Variants in KCNK16 observed in about 807,000 individuals in gnomAD.
The protein encoded by KCNK16 is potassium channel subfamily K member 16.
A neutral mutation model predicts 23.0 loss-of-function variants in KCNK16; 23 were observed. The observed-to-expected ratio is 1.00, with a 90% confidence interval of 0.72 to 1.41. The LOEUF (loss-of-function observed/expected upper bound fraction) is 1.41, where lower values mean the gene tolerates loss of function less well. Ranked by LOEUF, KCNK16 falls within the 40% of genes most tolerant of loss-of-function variation. The probability of loss-of-function intolerance (pLI) is 0.00; values close to 1 mark genes in which losing one functional copy is unlikely to be tolerated. For synonymous variants in KCNK16, 145 were observed against 153.5 expected (o/e 0.94, Z 0.41); for missense variants, 327 against 365.8 (o/e 0.89, Z 0.87).
Position 39,316,408 on chromosome 6 carries a change from A to G in KCNK16, c.696T>C (p.Tyr232=), listed in dbSNP as rs3734618. The G allele has an allele frequency of 0.51, 826,040 of 1,610,556 alleles. 218,899 individuals carry two copies. The highest frequency in any genetic ancestry group is 0.9 in the African/African-American group (67,142 of 74,958). Residue 232 remains tyrosine (Y), a synonymous_variant, in exon 5 of 5, where the codon TAT becomes TAC. Transcript: ENST00000437525. ...TDPSKHYISV[Y]RSLAAIWILL... ...GGATCCAGATGGCTGCCAGGCTCCG[A>G]TACACTGAGATATAATGCTTGCTGG...
chr6:39,322,583 G>A lies in KCNK16; in HGVS notation c.-43C>T, dbSNP rs1257413756. ...GCCAGGGCCGTGGGGCTGGCTATGG[G>A]GGAGAGGTGGGAAACAGGTGAGGAG... On this transcript the variant is annotated 5_prime_UTR_variant, in exon 1 of 5. Coordinates refer to ENST00000437525, the MANE Select transcript of KCNK16 (RefSeq NM_001135106.2). 2.6e-6 allele frequency: 4 copies of A among 1,535,864 alleles called. No individual in the cohort carries two copies. The highest frequency in any genetic ancestry group is 3.5e-6 in the Non-Finnish European group (4 of 1,145,196).
intron 3 of KCNK16, among the ~76,000 whole-genome samples, chr6:39,317,184 T>G (rs1046903925): frequency 6.6e-6 from 1 of 152,154 alleles, no homozygotes; most frequent in African/African-American, 2.4e-5. Context: ...GGAGACCCCT[T>G]TGGACTTGGG....
chr6:39,315,357 G>T (rs763012865), downstream of KCNK16: 2 of 1,551,626 alleles, frequency 1.3e-6, no homozygotes, highest in Non-Finnish European at 1.7e-6. Context: ...TGGCTCTCTG[G>T]CTTCCCATGG....
rs1447681526 is a variant in KCNK16 at position 39,322,498 on chromosome 6, G to C, written c.43C>G (p.Leu15Val). The C allele has an allele frequency of 5.6e-6, 9 of 1,611,738 alleles. 1 individual carries two copies. The South Asian group carries it at 9.9e-5, about 18-fold the overall frequency. Residue 15 changes from leucine to valine, a missense_variant, in exon 1 of 5, where the codon CTG becomes GTG. By Grantham distance (32) the Leu-to-Val change is conservative. Coordinates refer to ENST00000437525, the MANE Select transcript of KCNK16 (RefSeq NM_001135106.2). ...CAGACATAGGCCAGCAGCAGGGGCA[G>C]CACCCGGCCACCCCAGCAGCTGCAG... The part of the protein sequence containing the change: ...GLCSCWGGRV[L>V]PLLLAYVCYL...
At chr6:39,316,059 G>T, downstream of KCNK16, 1 of 1,075,762 alleles carries the variant, frequency 9.3e-7, no homozygotes, top group Non-Finnish European at 1.3e-6. Flanking sequence ...TACTTTCTTG[G>T]ATATACCTGT....
downstream of KCNK16, among the ~76,000 whole-genome samples, chr6:39,315,795 CCAGACCCTGGCA>C (rs1454299226): frequency 2.6e-5 from 4 of 152,166 alleles, no homozygotes; most frequent in Non-Finnish European, 2.9e-5. Context: ...TGCTGTATCC[CCAGACCCTGGCA>C]CAGACCCTGG....
downstream of KCNK16, chr6:39,315,214 A>T (rs1363113517): frequency 6.2e-7 from 1 of 1,613,852 alleles, no homozygotes; most frequent in Non-Finnish European, 8.5e-7. Context: ...AGGCCCCGGG[A>T]TGGAGTGGTC....
At position 39,317,945 on chromosome 6, in the gene KCNK16, C is replaced by A. The variant is rs1762388715; in HGVS notation, c.336G>T (p.Gly112=). ...AGTVVTTIGY[G]NLAPSTEAGQ... is the part of the protein sequence containing the mutation. ...CTGCCTCTGTGCTGGGTGCCAGGTTCCCATATCCTGCAAGGGAAGGGGGGC... is the reference window on the plus strand; with the variant it reads ...CTGCCTCTGTGCTGGGTGCCAGGTTACCATATCCTGCAAGGGAAGGGGGGC... The change falls in exon 3 of 5, where the codon GGG becomes GGT. Residue 112 remains glycine, a synonymous_variant. Transcript: ENST00000437525. 6.2e-7 allele frequency: 1 copy of A among 1,603,364 alleles called. No homozygotes were observed. The highest frequency in any genetic ancestry group is 1.1e-5 in the South Asian group (1 of 89,708).
downstream of KCNK16, chr6:39,315,269 G>A (rs756973503): frequency 2.5e-5 from 39 of 1,589,806 alleles, no homozygotes; most frequent in East Asian, 8.3e-4. Flanking sequence ...CAGGGGAAAG[G>A]CCAGACCTGG....
chr6:39,314,981 G>A, downstream of KCNK16: 1 of 1,573,302 alleles, frequency 6.4e-7, no homozygotes. Context: ...CGTCTAGGCT[G>A]TGTGAAGAGT....
At chr6:39,318,530 C>T (rs1220834466) in intron 2 of KCNK16, among the ~76,000 whole-genome samples, 2 of 152,162 alleles carry the variant, frequency 1.3e-5, no homozygotes, top group South Asian at 2.1e-4. Flanking sequence ...TCCCTCAGAA[C>T]ACATGAGATA....
chr6:39,314,979 C>T (rs1762253307), downstream of KCNK16: 1 of 1,569,344 alleles, frequency 6.4e-7, no homozygotes, highest in South Asian at 1.2e-5. Context: ...AGCGTCTAGG[C>T]TGTGTGAAGA....
downstream of KCNK16, among the ~76,000 whole-genome samples, chr6:39,316,011 A>T (rs539881761): frequency 6.6e-6 from 1 of 152,210 alleles, no homozygotes; most frequent in African/African-American, 2.4e-5. Context: ...CTCCCCATCC[A>T]CACATGTCTT....
At position 39,317,891 on chromosome 6, in the gene KCNK16, C is replaced by T. The variant is rs768789987; in HGVS notation, c.390G>A (p.Leu130=). The change falls in exon 3 of 5, where the codon CTG becomes CTA. Residue 130 remains leucine, a synonymous_variant. Coordinates refer to ENST00000437525, the MANE Select transcript of KCNK16 (RefSeq NM_001135106.2). The part of the protein sequence containing the change: ...AGQVFCVFYA[L]LGIPLNVIFL... ...AGATCACGTTAAGCGGGATGCCCAA[C>T]AGGGCATAGAAGACACAGAAGACCT... The T allele has an allele frequency of 6.2e-7, 1 of 1,613,906 alleles. No individual in the cohort carries two copies. The highest frequency in any genetic ancestry group is 1.1e-5 in the South Asian group (1 of 91,016).
intron 1 of KCNK16, 79 bp downstream of exon 1, chr6:39,322,249 C>T: frequency 6.5e-7 from 1 of 1,548,422 alleles, no homozygotes; most frequent in East Asian, 2.3e-5. Flanking sequence ...TGGGTGAGGA[C>T]TGTGGATCTG....
intron 1 of KCNK16, among the ~76,000 whole-genome samples, chr6:39,320,044 A>G (rs1398338629): frequency 6.6e-6 from 1 of 152,156 alleles, no homozygotes; most frequent in Non-Finnish European, 1.5e-5. Context: ...GCAGCAGCAC[A>G]GCCTTGCCAC....
At chr6:39,316,117 G>C, downstream of KCNK16, 1 of 1,418,264 alleles carries the variant, frequency 7.1e-7, no homozygotes, top group Non-Finnish European at 9.2e-7. Flanking sequence ...TGGCTGAGAA[G>C]TGAGGGGGTT....
chr6:39,319,046 A>G lies in KCNK16; in HGVS notation c.301T>C (p.Phe101Leu). 6.2e-7 allele frequency: 1 copy of G among 1,613,980 alleles called. No homozygotes were observed. Among genetic ancestry groups the G allele is most frequent in the Non-Finnish European group, 8.5e-7 (1 of 1,179,880 alleles). Residue 101 changes from phenylalanine to leucine, a missense_variant, in exon 2 of 5, where the codon TTT (phenylalanine) becomes CTT (leucine). Transcript: ENST00000437525. The surrounding 1 kb of genome is among the most constrained non-coding windows in gnomAD (Gnocchi z 4.2). ...ATGGTAGTGACGACTGTGCCTGCAA[A>G]GAAGAAACTGCTGCCAAAGTCCCAG... ...SNWDFGSSFF[F>L]AGTVVTTIGY...
intron 3 of KCNK16, 66 bp from the exon 4 acceptor site, chr6:39,317,013 G>T: frequency 3.3e-6 from 5 of 1,507,172 alleles, no homozygotes; most frequent in Non-Finnish European, 4.5e-6. Context: ...AGGTTGGGGG[G>T]AGTCTGGGGT....
Sources: allele counts gnomAD v4.1 joint callset (sites outside exome capture counted in the v4.1 genomes callset), GRCh38; gene constraint gnomAD v4.1.1; non-coding constraint Gnocchi (gnomAD v3.1); transcripts MANE v1.5; gene names NCBI Gene and HGNC (gene_info 2026-07-23, HGNC 2026-07-21).